The following TNR variants were observed in gnomAD, a reference collection of about 807,000 sequenced individuals.
TNR encodes the protein tenascin-R.
Under a neutral mutation model 150.4 loss-of-function variants are expected in TNR, and 45 were observed. The observed-to-expected ratio is 0.30, with a 90% CI of 0.24 to 0.38. The LOEUF is 0.38. Ranked by LOEUF, TNR falls within the 10% of genes least tolerant of loss-of-function variation. TNR has a pLI of 1.00. For missense variants in TNR, 1,544 were observed against 1,759.1 expected (o/e 0.88, Z 2.19); for synonymous variants, 687 against 678.4 (o/e 1.01, Z -0.20).
At chr1:175,338,726 G>A (rs1252379966) in intron 18 of TNR, among the ~76,000 whole-genome samples, 3 of 152,176 alleles carry the variant, frequency 2.0e-5, no homozygotes, top group Non-Finnish European at 4.4e-5. Context: ...CACAGGGCCC[G>A]CTGGTGGGTC....
At chr1:175,356,796 A>G (rs1481208349) in intron 15 of TNR, among the ~76,000 whole-genome samples, 3 of 152,106 alleles carry the variant, frequency 2.0e-5, no homozygotes, top group African/African-American at 7.2e-5. Context: ...TCTCCACTAG[A>G]CTGAGAAAAT....
chr1:175,546,022 A>C (rs1660672887), intron 1 of TNR, among the ~76,000 whole-genome samples: 1 of 152,226 alleles, frequency 6.6e-6, no homozygotes, highest in African/African-American at 2.4e-5. Flanking sequence ...TGAGGCTTCC[A>C]TTTGGGGTAC....
At chr1:175,729,953 C>T (rs557236410) in intron 1 of TNR, among the ~76,000 whole-genome samples, 8 of 152,224 alleles carry the variant, frequency 5.3e-5, no homozygotes, top group African/African-American at 1.9e-4. Flanking sequence ...TTAAGCTGCT[C>T]CTGTAATTCT....
intron 1 of TNR, among the ~76,000 whole-genome samples, chr1:175,697,093 C>A (rs934270859): frequency 6.6e-6 from 1 of 151,712 alleles, no homozygotes; most frequent in African/African-American, 2.4e-5. Flanking sequence ...TTATCTCAGG[C>A]AGTTTGCGTG....
intron 2 of TNR, among the ~76,000 whole-genome samples, chr1:175,472,471 A>G (rs1657340525): frequency 6.6e-6 from 1 of 152,220 alleles, no homozygotes; most frequent in Non-Finnish European, 1.5e-5. Context: ...ACATAATTGC[A>G]TGTGTTAGAC....
intron 20 of TNR, among the ~76,000 whole-genome samples, chr1:175,331,162 T>TTTCTTTCCTTCCTTCC (rs1229401260): frequency 4.4e-4 from 31 of 70,808 alleles, no homozygotes; most frequent in Admixed American, 1.0e-3. Flanking sequence ...TTTCTTTTTC[T>TTTCTTTCCTTCCTTCC]TTCCTTCCTT....
At chr1:175,356,665 T>G (rs554656338) in intron 15 of TNR, among the ~76,000 whole-genome samples, 1 of 152,192 alleles carries the variant, frequency 6.6e-6, no homozygotes, top group South Asian at 2.1e-4. Context: ...GTGTTCTTTA[T>G]GTGCAGGTCA....
At chr1:175,636,661 T>G (rs1207749133) in intron 1 of TNR, among the ~76,000 whole-genome samples, 1 of 152,242 alleles carries the variant, frequency 6.6e-6, no homozygotes, top group Admixed American at 6.5e-5. Flanking sequence ...ATAATTCCTC[T>G]GTGCAGTCTT....
At chr1:175,412,335 G>T (rs150294448) in intron 2 of TNR, among the ~76,000 whole-genome samples, 1 of 152,260 alleles carries the variant, frequency 6.6e-6, no homozygotes, top group Non-Finnish European at 1.5e-5. Flanking sequence ...AGGACTTCCT[G>T]ACAGGGATGA....
At chr1:175,680,452 G>A (rs1331605014) in intron 1 of TNR, among the ~76,000 whole-genome samples, 1 of 152,150 alleles carries the variant, frequency 6.6e-6, no homozygotes, top group Non-Finnish European at 1.5e-5. Context: ...TGTTAAGATG[G>A]GAAAGGGGAA....
At chr1:175,742,119 T>A (rs561410351) in intron 1 of TNR, among the ~76,000 whole-genome samples, 7 of 152,212 alleles carry the variant, frequency 4.6e-5, no homozygotes, top group Middle Eastern at 3.4e-3. Flanking sequence ...GCCTATAGTG[T>A]CTCCAAGACA....
At chr1:175,651,414 A>G (rs563806589) in intron 1 of TNR, among the ~76,000 whole-genome samples, 1 of 152,252 alleles carries the variant, frequency 6.6e-6, no homozygotes, top group African/African-American at 2.4e-5. Flanking sequence ...AGAAGCATAA[A>G]GGTTTTTTGC....
intron 1 of TNR, among the ~76,000 whole-genome samples, chr1:175,696,010 A>ATGGATGGATGGG (rs1224223447): frequency 6.6e-6 from 1 of 151,886 alleles, no homozygotes; most frequent in East Asian, 1.9e-4. Context: ...GGATGGATGG[A>ATGGATGGATGGG]TGGACAGATA....
chr1:175,616,084 A>G (rs186658489), intron 1 of TNR, among the ~76,000 whole-genome samples: 1 of 152,352 alleles, frequency 6.6e-6, no homozygotes, highest in African/African-American at 2.4e-5. Flanking sequence ...GCGTGGGACA[A>G]ACCATCTACC....
chr1:175,570,142 A>G (rs1225735816), intron 1 of TNR, among the ~76,000 whole-genome samples: 3 of 152,106 alleles, frequency 2.0e-5, no homozygotes, highest in African/African-American at 7.2e-5. Flanking sequence ...TGGCCCTTAT[A>G]CTCTGCTTCT....
chr1:175,393,660 G>T, intron 6 of TNR, 120 bp downstream of exon 6: 1 of 795,664 alleles, frequency 1.3e-6, no homozygotes, highest in Non-Finnish European at 2.2e-6. Context: ...ATGCCATTTT[G>T]TGTCTTTAAT....
intron 20 of TNR, among the ~76,000 whole-genome samples, chr1:175,330,982 C>A (rs534729524): frequency 2.2e-4 from 32 of 145,834 alleles, no homozygotes; most frequent in African/African-American, 7.8e-4. Context: ...AGGCAGAGTC[C>A]AGATCCCTCT....
intron 1 of TNR, among the ~76,000 whole-genome samples, chr1:175,622,345 C>A (rs539283904): frequency 6.6e-6 from 1 of 152,210 alleles, no homozygotes; most frequent in Non-Finnish European, 1.5e-5. Flanking sequence ...CCATAGCACT[C>A]ATGCCAGTTT....
intron 1 of TNR, among the ~76,000 whole-genome samples, chr1:175,596,119 G>T (rs1270012657): frequency 6.6e-6 from 1 of 152,120 alleles, no homozygotes; most frequent in Non-Finnish European, 1.5e-5. Context: ...ACATCCCATG[G>T]CTTAGATCTT....
Sources: allele counts gnomAD v4.1 joint callset (sites outside exome capture counted in the v4.1 genomes callset), GRCh38; gene constraint gnomAD v4.1.1; transcripts MANE v1.5; gene names NCBI Gene and HGNC (gene_info 2026-07-23, HGNC 2026-07-21).